YIPF6: variants seen among roughly 807,000 people sequenced by gnomAD.
YIPF6 encodes Yip1 domain family member 6.
A neutral mutation model predicts 16.8 loss-of-function variants in YIPF6; 3 were observed. The ratio of observed to expected loss-of-function variants is 0.18; its 90% confidence interval spans 0.08 to 0.46. The LOEUF (loss-of-function observed/expected upper bound fraction) is 0.46. YIPF6 is among the 20% of genes least tolerant of loss of function. The pLI is 0.98. For synonymous variants in YIPF6, 67 were observed against 61.9 expected, an observed-to-expected ratio of 1.08 and a Z score of -0.38; for missense variants, 145 against 184.9, an observed-to-expected ratio of 0.78 and a Z score of 1.25.
At chrX:68,523,812 T>C (rs974598909) in intron 6 of YIPF6, among the ~76,000 whole-genome samples, 1 of 112,005 alleles carries the variant, frequency 8.9e-6, no homozygotes, top group Middle Eastern at 4.2e-3. Context: ...CCAAAGACTG[T>C]ATATTAAGCT....
At chrX:68,530,894 C>T (rs1433323182) in intron 6 of YIPF6, among the ~76,000 whole-genome samples, 1 of 111,007 alleles carries the variant, frequency 9.0e-6, no homozygotes, top group Non-Finnish European at 1.9e-5. Context: ...AGCTGCAGAC[C>T]GGAGCTGTTC....
At chrX:68,507,184 C>T (rs987992772) in intron 1 of YIPF6, among the ~76,000 whole-genome samples, 3 of 111,804 alleles carry the variant, frequency 2.7e-5, no homozygotes, top group Non-Finnish European at 5.6e-5. Context: ...GCTCTCAAAA[C>T]CTGAAATATT....
At position 68,512,719 on chromosome X, in the gene YIPF6, A is replaced by G. The variant is rs1031564686; in HGVS notation, c.187-608A>G. Among the ~76,000 whole-genome samples the G allele has an allele frequency of 6.3e-5, 7 of 111,590 alleles. 1 individual carries two copies. Among genetic ancestry groups the G allele is most frequent in the Admixed American group, 5.8e-4 (6 of 10,406 alleles). On this transcript the variant is annotated intron_variant, in intron 2 of 6. Transcript: ENST00000462683. ...AGCAACTATTATAAATTATGTTTAC[A>G]AAGTGTTTAATAACGGGTAAAATTC...
chrX:68,511,701 C>T (rs1175945171), intron 1 of YIPF6, 148 bp from the exon 2 acceptor site: 8 of 519,758 alleles, frequency 1.5e-5, no homozygotes, highest in African/African-American at 7.2e-5. Flanking sequence ...TTGTTAACTG[C>T]ATTGTGTAAT....
intron 1 of YIPF6, among the ~76,000 whole-genome samples, chrX:68,505,540 G>A (rs1360405551): frequency 1.8e-5 from 2 of 112,414 alleles, no homozygotes; most frequent in Non-Finnish European, 3.8e-5. Flanking sequence ...CAGTAAAGTG[G>A]TGAGAAGGCC....
intron 6 of YIPF6, among the ~76,000 whole-genome samples, chrX:68,525,231 A>C (rs1312701131): frequency 8.9e-6 from 1 of 112,341 alleles, no homozygotes; most frequent in African/African-American, 3.2e-5. Context: ...CATTTCTCTC[A>C]TGAGCAGTGA....
At chrX:68,530,253 T>G (rs995666431) in intron 6 of YIPF6, among the ~76,000 whole-genome samples, 2 of 111,287 alleles carry the variant, frequency 1.8e-5, no homozygotes, top group African/African-American at 6.5e-5. Flanking sequence ...CCCTGTGGCT[T>G]TCTTTACACT....
intron 6 of YIPF6, among the ~76,000 whole-genome samples, chrX:68,528,227 C>T (rs1425006165): frequency 9.0e-6 from 1 of 111,586 alleles, no homozygotes; most frequent in African/African-American, 3.3e-5. Context: ...ATCCCTTTAC[C>T]ATTATGTAAT....
In YIPF6 at chrX:68,500,737, A is replaced by G. The variant is rs187081193; in HGVS notation, c.57+1614A>G. Among the ~76,000 whole-genome samples, 275 of 111,762 alleles carry G rather than the reference A, an allele frequency of 2.5e-3. 1 individual carries two copies. Among genetic ancestry groups the G allele is most frequent in the African/African-American group, 8.6e-3 (265 of 30,774 alleles). Reference sequence around the variant, plus strand: ...ATTTGTTCACCTCTTCACTCACTCAACAAATATTTATTGAGCATCCGCTAC... The same window carrying G: ...ATTTGTTCACCTCTTCACTCACTCAGCAAATATTTATTGAGCATCCGCTAC... On this transcript the variant is annotated intron_variant, in intron 1 of 6. Transcript: ENST00000462683.
chrX:68,509,423 G>A (rs1007362025), intron 1 of YIPF6, among the ~76,000 whole-genome samples: 1 of 111,546 alleles, frequency 9.0e-6, no homozygotes, highest in Non-Finnish European at 1.9e-5. Context: ...CAGCCCCAAT[G>A]TTTTTATTAA....
intron 1 of YIPF6, 82 bp from the exon 2 acceptor site, chrX:68,511,767 C>T: frequency 1.8e-6 from 2 of 1,089,199 alleles, no homozygotes; most frequent in Non-Finnish European, 2.4e-6. Context: ...TACATGGTCC[C>T]AACTCTCTAG....
At position 68,502,694 on chromosome X, in the gene YIPF6, C is replaced by T. The variant is rs917291282; in HGVS notation, c.57+3571C>T. Reference sequence around the variant, plus strand: ...GGACTTTAAAACATGCACTTCAGGGCGCAGAAGAGGTCTTGCCTAGAGTTG... The same window carrying T: ...GGACTTTAAAACATGCACTTCAGGGTGCAGAAGAGGTCTTGCCTAGAGTTG... On this transcript the variant is annotated intron_variant, in intron 1 of 6. Transcript: ENST00000462683. 7.2e-5 allele frequency among the ~76,000 whole-genome samples: 8 copies of T among 111,289 alleles called. No individual in the cohort carries two copies. In the South Asian group the frequency reaches 1.5e-3, roughly 21 times the overall value.
chrX:68,499,931 T>C lies in YIPF6; in HGVS notation c.57+808T>C, dbSNP rs1027281878. Among the ~76,000 whole-genome samples, 15 of 112,475 alleles carry C rather than the reference T, an allele frequency of 1.3e-4. 1 individual carries two copies. Among genetic ancestry groups the C allele is most frequent in the African/African-American group, 4.8e-4 (15 of 31,005 alleles). The stretch of plus-strand genomic sequence containing the variant: ...TTGGGATTACAGGCGTGAGCCACTG[T>C]GCCCGGCCATCTTCACTATACTCTC... On this transcript the variant is annotated intron_variant, in intron 1 of 6. Coordinates refer to ENST00000462683, the MANE Select transcript of YIPF6 (RefSeq NM_173834.4).
intron 3 of YIPF6, chrX:68,514,322 A>C (rs1016814588): frequency 2.7e-5 from 3 of 109,193 alleles, no homozygotes; most frequent in African/African-American, 9.9e-5. Context: ...CTAATTTACA[A>C]TATTTACATT....
chrX:68,524,902 C>T (rs891582232), intron 6 of YIPF6, among the ~76,000 whole-genome samples: 2 of 111,785 alleles, frequency 1.8e-5, no homozygotes, highest in African/African-American at 6.5e-5. Flanking sequence ...TTTCTTTATC[C>T]AGTCTATCAT....
intron 1 of YIPF6, among the ~76,000 whole-genome samples, chrX:68,507,855 C>T (rs986492365): frequency 3.6e-5 from 4 of 110,554 alleles, no homozygotes; most frequent in Non-Finnish European, 5.7e-5. Context: ...CCACCTGCCT[C>T]GGCCTCCCAA....
chrX:68,499,655 C>A lies in YIPF6; in HGVS notation c.57+532C>A, dbSNP rs184163188. Among the ~76,000 whole-genome samples the A allele has an allele frequency of 2.2e-3, 246 of 111,602 alleles. 1 individual carries two copies. The highest frequency in any genetic ancestry group is 7.7e-3 in the African/African-American group (238 of 30,726). Reference sequence around the variant, plus strand: ...TCTTATTTTTTACTTTTTTAAAAATCGAGACAAGGTCTCACTCTGTCACCC... The same window carrying A: ...TCTTATTTTTTACTTTTTTAAAAATAGAGACAAGGTCTCACTCTGTCACCC... On this transcript the variant is annotated intron_variant, in intron 1 of 6. Transcript: ENST00000462683.
rs1479136872 is a variant in YIPF6 at position 68,537,085 on chromosome X, G to C, written c.*5086G>C. ...TCAAGTGTTCTGCCTGGTGGGAAGTGGCCACACGCTGCACTGCGCTGCTCT... is the reference window on the plus strand; with the variant it reads ...TCAAGTGTTCTGCCTGGTGGGAAGTCGCCACACGCTGCACTGCGCTGCTCT... On this transcript the variant is annotated 3_prime_UTR_variant, in exon 7 of 7. Transcript: ENST00000462683. The C allele has an allele frequency of 8.9e-6, 1 of 111,867 alleles. No homozygotes were observed. The highest frequency in any genetic ancestry group is 1.9e-5 in the Non-Finnish European group (1 of 53,134). The allele number at this position is 111,867 out of a possible 1,213,427, so 9.2% of individuals were successfully genotyped here.
At chrX:68,523,824 G>T (rs1218840888) in intron 6 of YIPF6, among the ~76,000 whole-genome samples, 1 of 111,837 alleles carries the variant, frequency 8.9e-6, no homozygotes, top group Non-Finnish European at 1.9e-5. Context: ...TATTAAGCTT[G>T]GGTGCTTTTC....
Sources: allele counts gnomAD v4.1 joint callset (sites outside exome capture counted in the v4.1 genomes callset), GRCh38; gene constraint gnomAD v4.1.1; transcripts MANE v1.5; gene names NCBI Gene and HGNC (gene_info 2026-07-23, HGNC 2026-07-21).